ADAMTS12: variants seen among roughly 807,000 people sequenced by gnomAD.
ADAMTS12 encodes the protein A disintegrin and metalloproteinase with thrombospondin motifs 12.
Under a neutral mutation model 167.8 loss-of-function variants are expected in ADAMTS12, and 118 were observed. The observed-to-expected ratio is 0.70, with a 90% CI of 0.61 to 0.82. The LOEUF is 0.82. Ranked by LOEUF, ADAMTS12 falls within the 40% of genes least tolerant of loss-of-function variation. ADAMTS12 has a pLI of 0.00. For synonymous variants in ADAMTS12, 704 were observed against 716.9 expected (o/e 0.98, Z 0.29); for missense variants, 1,916 against 1,998.8 (o/e 0.96, Z 0.79).
intron 2 of ADAMTS12, among the ~76,000 whole-genome samples, chr5:33,830,484 C>T (rs1394289586): frequency 1.3e-5 from 2 of 152,110 alleles, no homozygotes; most frequent in Non-Finnish European, 2.9e-5. Flanking sequence ...ACTTTAAAGC[C>T]ACTTGCTAAA....
chr5:33,578,365 C>T (rs256651), intron 18 of ADAMTS12, among the ~76,000 whole-genome samples: 17,442 of 152,218 alleles, frequency 0.11, 1,609 homozygotes, highest in East Asian at 0.45. Flanking sequence ...ACTTGAAAGG[C>T]GGCAAGTCAG....
At chr5:33,708,950 A>T (rs1743292809) in intron 3 of ADAMTS12, among the ~76,000 whole-genome samples, 2 of 152,108 alleles carry the variant, frequency 1.3e-5, no homozygotes, top group Admixed American at 1.3e-4. Flanking sequence ...TATACTAAAA[A>T]ATAAAAAATA....
Position 33,648,886 on chromosome 5 carries a change from T to G in ADAMTS12, c.1415A>C (p.Tyr472Ser). ...TAGCTGGCACTGGTGGTGAACATCA[T>G]AGATCACTCCGGGGGCAATGACCTT... is the stretch of plus-strand genomic sequence containing the variant. ...KSKVIAPGVI[Y>S]DVHHQCQLQY... The change falls in exon 9 of 24, where the codon TAT becomes TCT. Residue 472 changes from tyrosine to serine, a missense_variant. Transcript: ENST00000504830. 1 of 1,614,076 alleles carries G rather than the reference T, an allele frequency of 6.2e-7. No individual in the cohort carries two copies. The highest frequency in any genetic ancestry group is 1.7e-5 in the Admixed American group (1 of 60,010).
At chr5:33,724,741 C>T (rs1743919416) in intron 3 of ADAMTS12, among the ~76,000 whole-genome samples, 1 of 151,684 alleles carries the variant, frequency 6.6e-6, no homozygotes, top group Non-Finnish European at 1.5e-5. Context: ...TTAGTAGAGA[C>T]GGGGTTTCAC....
In ADAMTS12 at chr5:33,731,647, T is replaced by C. The variant is rs1177806926; in HGVS notation, c.634+19757A>G. On this transcript the variant is annotated intron_variant, in intron 3 of 23. Transcript: ENST00000504830. ...GCAAACAATTAAGGATTGCTAAAAA[T>C]CCTTTTTGGGACTATGCTGATAGGA... 4.6e-5 allele frequency among the ~76,000 whole-genome samples: 7 copies of C among 152,096 alleles called. No individual in the cohort carries two copies. The East Asian group carries it at 1.4e-3, about 29-fold the overall frequency.
intron 2 of ADAMTS12, among the ~76,000 whole-genome samples, chr5:33,795,820 TCA>T (rs1056045848): frequency 2.0e-5 from 3 of 152,166 alleles, no homozygotes; most frequent in Non-Finnish European, 2.9e-5. Context: ...GCCGATTACT[TCA>T]CACACAATTA....
At chr5:33,585,714 G>A (rs1274511380) in intron 18 of ADAMTS12, among the ~76,000 whole-genome samples, 4 of 152,198 alleles carry the variant, frequency 2.6e-5, no homozygotes, top group African/African-American at 9.7e-5. Flanking sequence ...ACCAGGATAA[G>A]ATTCTTGGTA....
Position 33,835,060 on chromosome 5 carries a change from T to C in ADAMTS12, c.489+46059A>G, listed in dbSNP as rs568799404. ...ACCCAGGAATGCGGCTAACCATTTT[T>C]CAAATACTATCTCTTTAAACTTCAG... On this transcript the variant is annotated intron_variant, in intron 2 of 23. Coordinates refer to ENST00000504830, the MANE Select transcript of ADAMTS12 (RefSeq NM_030955.4). Among the ~76,000 whole-genome samples the C allele has an allele frequency of 2.0e-5, 3 of 152,342 alleles. No individual in the cohort carries two copies. The South Asian group carries it at 6.2e-4, about 32-fold the overall frequency.
intron 3 of ADAMTS12, among the ~76,000 whole-genome samples, chr5:33,747,143 C>T (rs1053712928): frequency 2.6e-5 from 4 of 152,116 alleles, no homozygotes; most frequent in African/African-American, 9.7e-5. Context: ...CATTAGGACT[C>T]ATAGGGTTAA....
At chr5:33,607,090 G>C (rs1738477975) in intron 16 of ADAMTS12, among the ~76,000 whole-genome samples, 1 of 152,042 alleles carries the variant, frequency 6.6e-6, no homozygotes. Flanking sequence ...AATAAGCCAG[G>C]AATAGAAGAA....
Position 33,769,338 on chromosome 5 carries a change from A to G in ADAMTS12, c.490-17790T>C, listed in dbSNP as rs142736501. Among the ~76,000 whole-genome samples, 740 of 152,320 alleles carry G rather than the reference A, an allele frequency of 4.9e-3. 4 individuals are homozygous for G. Among genetic ancestry groups the G allele is most frequent in the African/African-American group, 0.017 (701 of 41,574 alleles). ...ACCCCACAGCTAAAGCAGCATGGTT[A>G]CATACATCAAGTACAAATGGAGGGA... On this transcript the variant is annotated intron_variant, in intron 2 of 23. Transcript: ENST00000504830.
intron 2 of ADAMTS12, among the ~76,000 whole-genome samples, chr5:33,860,141 G>T (rs1268023062): frequency 6.6e-6 from 1 of 152,134 alleles, no homozygotes; most frequent in African/African-American, 2.4e-5. Flanking sequence ...AGCAAGGGAA[G>T]AAAACTGGAT....
At chr5:33,663,626 T>C (rs1024504129) in intron 5 of ADAMTS12, among the ~76,000 whole-genome samples, 2 of 152,164 alleles carry the variant, frequency 1.3e-5, no homozygotes, top group South Asian at 4.1e-4. Flanking sequence ...AAGAACTAGA[T>C]CAAGATCACT....
At chr5:33,792,142 C>T (rs1188589237) in intron 2 of ADAMTS12, among the ~76,000 whole-genome samples, 2 of 151,914 alleles carry the variant, frequency 1.3e-5, no homozygotes, top group South Asian at 2.1e-4. Context: ...GGATTACAGG[C>T]GCCCACCACC....
chr5:33,562,149 G>A (rs1262848656), intron 19 of ADAMTS12, among the ~76,000 whole-genome samples: 1 of 152,128 alleles, frequency 6.6e-6, no homozygotes, highest in Non-Finnish European at 1.5e-5. Flanking sequence ...GGGGAGGGGA[G>A]GCGATTGTGC....
intron 9 of ADAMTS12, among the ~76,000 whole-genome samples, chr5:33,645,169 TTATTATTATTA>T (rs1740616579): frequency 6.7e-6 from 1 of 150,058 alleles, no homozygotes; most frequent in African/African-American, 2.4e-5. Flanking sequence ...ATTATTATTA[TTATTATTATTA>T]TTATTGCGTG....
chr5:33,890,444 A>C (rs1257041638), intron 1 of ADAMTS12, among the ~76,000 whole-genome samples: 1 of 152,110 alleles, frequency 6.6e-6, no homozygotes, highest in Non-Finnish European at 1.5e-5. Context: ...AAGCAAAGAG[A>C]GGGACTTGCT....
chr5:33,776,483 C>T (rs1235494970), intron 2 of ADAMTS12, among the ~76,000 whole-genome samples: 1 of 151,898 alleles, frequency 6.6e-6, no homozygotes, highest in African/African-American at 2.4e-5. Flanking sequence ...ATCCATGGAT[C>T]AAGATGAAAT....
Position 33,649,677 on chromosome 5 carries a change from C to T in ADAMTS12, c.1211G>A (p.Gly404Glu). The T allele has an allele frequency of 6.2e-7, 1 of 1,613,834 alleles. No homozygotes were observed. Among genetic ancestry groups the T allele is most frequent in the Non-Finnish European group, 8.5e-7 (1 of 1,179,816 alleles). Residue 404 changes from glycine (G) to glutamate (E), a missense_variant, in exon 8 of 24, where the codon GGG becomes GAG. Transcript: ENST00000504830. ...CACAGGCTCACAGTCATTTTCTTTC[C>T]CATCATGCTGGATGCCGAAGCTGGC... The part of the protein sequence containing the change: ...LGHSFGIQHD[G>E]KENDCEPVGR...
Sources: allele counts gnomAD v4.1 joint callset (sites outside exome capture counted in the v4.1 genomes callset), GRCh38; gene constraint gnomAD v4.1.1; transcripts MANE v1.5; gene names NCBI Gene and HGNC (gene_info 2026-07-23, HGNC 2026-07-21).